ACOXL: variants seen among roughly 807,000 people sequenced by gnomAD.
ACOXL encodes the protein acyl-coenzyme A oxidase-like protein.
A neutral mutation model predicts 71.9 loss-of-function variants in ACOXL; 70 were observed. The ratio of observed to expected loss-of-function variants is 0.97; its 90% CI spans 0.80 to 1.19. The LOEUF is 1.19. Among genes scored for constraint, ACOXL ranks in the 50% most tolerant of loss-of-function variants. The probability of loss-of-function intolerance (pLI) is 0.00; values close to 1 mark genes in which losing one functional copy is unlikely to be tolerated. For synonymous variants in ACOXL, 253 were observed against 281.6 expected (o/e 0.90, Z 1.02); for missense variants, 703 against 736.3 (o/e 0.95, Z 0.52).
intron 11 of ACOXL, among the ~76,000 whole-genome samples, chr2:110,927,380 C>T (rs2060313281): frequency 6.6e-6 from 1 of 152,200 alleles, no homozygotes; most frequent in Non-Finnish European, 1.5e-5. Flanking sequence ...CCTGGGGTGC[C>T]TTCCACCTGC....
chr2:110,811,698 AGACT>A (rs1687331257), intron 9 of ACOXL, among the ~76,000 whole-genome samples: 1 of 142,292 alleles, frequency 7.0e-6, no homozygotes, highest in African/African-American at 2.6e-5. Context: ...TGTTCTGCTC[AGACT>A]GACGTTATCC....
chr2:110,913,063 C>T (rs1454606477), intron 11 of ACOXL, among the ~76,000 whole-genome samples: 2 of 152,162 alleles, frequency 1.3e-5, no homozygotes, highest in African/African-American at 4.8e-5. Flanking sequence ...TCAGATAAAA[C>T]TTCACACCCA....
intron 1 of ACOXL, among the ~76,000 whole-genome samples, chr2:110,757,458 T>C (rs755573784): frequency 6.6e-6 from 1 of 152,158 alleles, no homozygotes; most frequent in African/African-American, 2.4e-5. Context: ...TGCATCTAGG[T>C]CTTTGAGGAA....
At chr2:110,747,068 A>G (rs530667377) in intron 1 of ACOXL, among the ~76,000 whole-genome samples, 2 of 152,156 alleles carry the variant, frequency 1.3e-5, no homozygotes, top group Non-Finnish European at 2.9e-5. Context: ...GGTGACATCC[A>G]GGAAGATTGT....
intron 17 of ACOXL, among the ~76,000 whole-genome samples, chr2:111,112,567 A>G (rs1001293126): frequency 2.0e-5 from 3 of 152,252 alleles, no homozygotes; most frequent in Admixed American, 6.5e-5. Flanking sequence ...CTTCAGGATA[A>G]GTGAGCGAGG....
intron 14 of ACOXL, among the ~76,000 whole-genome samples, chr2:111,004,089 T>C (rs2063765259): frequency 1.3e-5 from 2 of 152,222 alleles, no homozygotes. Flanking sequence ...TTTGAACATC[T>C]GACCCAAACA....
chr2:111,031,820 G>C, intron 15 of ACOXL, 106 bp downstream of exon 15: 1 of 1,161,234 alleles, frequency 8.6e-7, no homozygotes, highest in South Asian at 1.3e-5. Context: ...CACAGGGAAG[G>C]GACAGTCCGT....
chr2:110,921,904 G>C (rs1054598275), intron 11 of ACOXL, among the ~76,000 whole-genome samples: 5 of 152,148 alleles, frequency 3.3e-5, no homozygotes, highest in African/African-American at 7.2e-5. Context: ...TATAACTGCT[G>C]TCATGGTCCA....
chr2:110,982,202 C>T (rs969950628), intron 12 of ACOXL, among the ~76,000 whole-genome samples: 6 of 152,094 alleles, frequency 3.9e-5, no homozygotes, highest in African/African-American at 1.4e-4. Flanking sequence ...TGCGCCCAGG[C>T]TGGAGTGCAG....
intron 12 of ACOXL, among the ~76,000 whole-genome samples, chr2:110,953,246 T>G (rs1378408773): frequency 6.6e-6 from 1 of 152,116 alleles, no homozygotes; most frequent in Non-Finnish European, 1.5e-5. Context: ...GCTGTTTGAC[T>G]AGGGAGTATA....
intron 14 of ACOXL, among the ~76,000 whole-genome samples, chr2:111,007,769 G>T (rs530867545): frequency 2.6e-5 from 4 of 152,272 alleles, no homozygotes; most frequent in African/African-American, 9.6e-5. Flanking sequence ...CCTACCCAAA[G>T]CTATGAAGTA....
intron 2 of ACOXL, among the ~76,000 whole-genome samples, chr2:110,777,324 G>A (rs1298890707): frequency 6.6e-6 from 1 of 152,152 alleles, no homozygotes; most frequent in Non-Finnish European, 1.5e-5. Flanking sequence ...GGCCATAGAG[G>A]TAGGGACAAG....
At chr2:110,860,933 A>G (rs1039399173) in intron 10 of ACOXL, among the ~76,000 whole-genome samples, 2 of 152,324 alleles carry the variant, frequency 1.3e-5, no homozygotes, top group African/African-American at 2.4e-5. Context: ...GTGTTACTCT[A>G]TTGAGCTGAA....
At chr2:110,949,829 A>G (rs141708621) in intron 12 of ACOXL, among the ~76,000 whole-genome samples, 22 of 152,242 alleles carry the variant, frequency 1.4e-4, no homozygotes, top group Admixed American at 4.6e-4. Flanking sequence ...TTATTTCTCC[A>G]AATCTACTGA....
At chr2:111,089,766 C>T (rs889574746) in intron 16 of ACOXL, among the ~76,000 whole-genome samples, 2 of 152,170 alleles carry the variant, frequency 1.3e-5, no homozygotes, top group African/African-American at 2.4e-5. Flanking sequence ...ATATTATATA[C>T]TAACTATAAA....
At chr2:110,841,116 T>G (rs1413518735) in intron 9 of ACOXL, among the ~76,000 whole-genome samples, 1 of 152,244 alleles carries the variant, frequency 6.6e-6, no homozygotes, top group African/African-American at 2.4e-5. Flanking sequence ...CCATTCCTAT[T>G]GAGAGACACC....
chr2:111,095,391 C>CTTTTTTTTTTTTTTTTTTTTTTTTT (rs780172456), intron 17 of ACOXL, among the ~76,000 whole-genome samples: 1 of 116,592 alleles, frequency 8.6e-6, no homozygotes, highest in Non-Finnish European at 1.7e-5. Flanking sequence ...TTTTCTTTTT[C>CTTTTTTTTTTTTTTTTTTTTTTTTT]TTTTTTTTTT....
At chr2:111,059,686 C>G (rs2066709642) in intron 16 of ACOXL, among the ~76,000 whole-genome samples, 1 of 151,854 alleles carries the variant, frequency 6.6e-6, no homozygotes. Context: ...GCAGGAACTC[C>G]CTGAATTTTG....
At chr2:110,780,613 A>G (rs1447331184) in intron 2 of ACOXL, among the ~76,000 whole-genome samples, 1 of 152,198 alleles carries the variant, frequency 6.6e-6, no homozygotes, top group Non-Finnish European at 1.5e-5. Flanking sequence ...ATAATGAACT[A>G]TGGATATCCT....
Sources: allele counts gnomAD v4.1 joint callset (sites outside exome capture counted in the v4.1 genomes callset), GRCh38; gene constraint gnomAD v4.1.1; transcripts MANE v1.5; gene names NCBI Gene and HGNC (gene_info 2026-07-23, HGNC 2026-07-21).